The following TET2 variants were observed in gnomAD, a reference collection of about 807,000 sequenced individuals.
TET2 encodes the protein tet methylcytosine dioxygenase 2.
TET2 carries 299 observed loss-of-function variants against 142.9 expected under a neutral mutation model. The observed-to-expected ratio is 2.09, with a 90% CI of 1.90 to 2.30. TET2 has a LOEUF of 2.30. Among genes scored for constraint, TET2 ranks in the 30% most tolerant of loss-of-function variants. TET2 has a pLI of 0.00. For synonymous variants in TET2, 819 were observed against 849.0 expected (o/e 0.96, Z 0.61); for missense variants, 2,418 against 2,378.0 (o/e 1.02, Z -0.35).
At chr4:105,161,093 A>G (rs1235603882) in intron 1 of TET2, among the ~76,000 whole-genome samples, 1 of 152,190 alleles carries the variant, frequency 6.6e-6, no homozygotes, top group African/African-American at 2.4e-5. Flanking sequence ...AGAACTTTAT[A>G]TCTGGAATAA....
At chr4:105,204,912 C>T (rs1726727508) in intron 2 of TET2, among the ~76,000 whole-genome samples, 1 of 152,032 alleles carries the variant, frequency 6.6e-6, no homozygotes, top group African/African-American at 2.4e-5. Context: ...ATTAAGCCTA[C>T]TATATATATT....
chr4:105,185,023 G>A (rs1725343654), intron 1 of TET2, among the ~76,000 whole-genome samples: 2 of 152,180 alleles, frequency 1.3e-5, no homozygotes, highest in African/African-American at 4.8e-5. Context: ...TGTAACGGAA[G>A]TGTTTGATGA....
intron 6 of TET2, among the ~76,000 whole-genome samples, chr4:105,255,298 A>G (rs1310110487): frequency 2.6e-5 from 4 of 152,284 alleles, no homozygotes; most frequent in East Asian, 1.9e-4. Context: ...ATTTTTACCT[A>G]TTACCCAAAT....
At chr4:105,163,006 A>G (rs1191956314) in intron 1 of TET2, among the ~76,000 whole-genome samples, 2 of 152,214 alleles carry the variant, frequency 1.3e-5, no homozygotes, top group African/African-American at 4.8e-5. Context: ...AGCATGGATA[A>G]TTGCCTAAAA....
intron 2 of TET2, among the ~76,000 whole-genome samples, chr4:105,224,006 C>T (rs6857812): frequency 0.089 from 13,440 of 151,648 alleles, 1,733 homozygotes; most frequent in African/African-American, 0.28. Context: ...ACATGCAAAA[C>T]TTATTTTATG....
chr4:105,276,317 G>T lies in TET2; in HGVS notation c.5807G>T (p.Gly1936Val), dbSNP rs1490412153. 6.4e-7 allele frequency: 1 copy of T among 1,551,622 alleles called. No individual in the cohort carries two copies. Among genetic ancestry groups the T allele is most frequent in the Non-Finnish European group, 8.7e-7 (1 of 1,146,984 alleles). Residue 1936 changes from glycine (G) to valine (V), a missense_variant, in exon 11 of 11, where the codon GGC (glycine) becomes GTC (valine). Physicochemically the swap from Gly to Val is moderately radical, Grantham distance 109 (BLOSUM62 -3). Transcript: ENST00000380013. ...REKEEECEKY[G>V]PDYVPQKSHG... is the part of the protein sequence containing the mutation. ...AAAGAGGAAGAGTGTGAAAAGTATGGCCCAGACTATGTGCCTCAGAAATCC... is the reference window on the plus strand; with the variant it reads ...AAAGAGGAAGAGTGTGAAAAGTATGTCCCAGACTATGTGCCTCAGAAATCC...
chr4:105,209,098 T>TATATATA (rs1727009719), intron 2 of TET2, among the ~76,000 whole-genome samples: 1 of 127,484 alleles, frequency 7.8e-6, no homozygotes, highest in Admixed American at 8.0e-5. Context: ...TATATATATA[T>TATATATA]GTTTGAGCGA....
chr4:105,190,606 A>C, intron 2 of TET2, 101 bp downstream of exon 2: 1 of 638,552 alleles, frequency 1.6e-6, no homozygotes, highest in Non-Finnish European at 2.8e-6. Flanking sequence ...GTTACCCTGC[A>C]CCCTCTCAAA....
At chr4:105,192,787 CTAAGT>C (rs1170008664) in intron 2 of TET2, among the ~76,000 whole-genome samples, 1 of 151,890 alleles carries the variant, frequency 6.6e-6, no homozygotes, top group Non-Finnish European at 1.5e-5. Flanking sequence ...CCAAGAAGTG[CTAAGT>C]TTTAAAAATG....
chr4:105,183,446 A>G (rs549867942), intron 1 of TET2, among the ~76,000 whole-genome samples: 3 of 151,486 alleles, frequency 2.0e-5, no homozygotes, highest in East Asian at 3.9e-4. Flanking sequence ...TCTTTTTCCT[A>G]TATATATTTT....
rs1414450907 is a variant in TET2, at chr4:105,243,041, A to G, written c.3594+114A>G. ...AAGACTCATGCCAGTTAAAAAGAAC[A>G]TTACCTGTATTTTTTATCATGTGTT... is the stretch of plus-strand genomic sequence containing the variant. On this transcript the variant is annotated intron_variant, in intron 5 of 10. Coordinates refer to ENST00000380013, the MANE Select transcript of TET2 (RefSeq NM_001127208.3). The G allele has an allele frequency of 5.0e-6, 4 of 806,260 alleles. No homozygotes were observed. In the East Asian group the frequency reaches 1.1e-4, roughly 22 times the overall value. 49.9% of individuals were successfully genotyped at this position (806,260 alleles called of 1,614,324 possible). A position where few individuals can be genotyped will look rare whatever the true frequency, so the allele number is the denominator to read the frequency against.
intron 4 of TET2, 143 bp downstream of exon 4, chr4:105,241,572 CTA>C: frequency 7.0e-7 from 1 of 1,429,186 alleles, no homozygotes; most frequent in Non-Finnish European, 9.2e-7. Context: ...GTTGCCAACA[CTA>C]CACACTGTGC....
chr4:105,242,569 G>T, intron 4 of TET2: 1 of 1,191,916 alleles, frequency 8.4e-7, no homozygotes, highest in Non-Finnish European at 1.0e-6. Context: ...ATTTTATATC[G>T]AAATGAGCTT....
chr4:105,260,886 A>G (rs139968813), intron 7 of TET2, among the ~76,000 whole-genome samples: 2 of 152,240 alleles, frequency 1.3e-5, no homozygotes, highest in South Asian at 4.1e-4. Context: ...TTTTCTACAG[A>G]TAACTTTTTT....
At chr4:105,158,817 A>G (rs779011098) in intron 1 of TET2, among the ~76,000 whole-genome samples, 31 of 151,860 alleles carry the variant, frequency 2.0e-4, no homozygotes, top group Non-Finnish European at 3.4e-4. Flanking sequence ...TTTGGAAAAA[A>G]AAAAAGAAAG....
chr4:105,163,496 A>C (rs902365948), intron 1 of TET2, among the ~76,000 whole-genome samples: 3 of 152,186 alleles, frequency 2.0e-5, no homozygotes, highest in Non-Finnish European at 2.9e-5. Flanking sequence ...GTAACAAGCT[A>C]TGTATATTTC....
At chr4:105,203,159 A>G (rs769479590) in intron 2 of TET2, among the ~76,000 whole-genome samples, 2 of 152,224 alleles carry the variant, frequency 1.3e-5, no homozygotes, top group South Asian at 2.1e-4. Flanking sequence ...AGGGCTATCA[A>G]TTTCAAATTG....
chr4:105,209,071 A>G (rs1221152512), intron 2 of TET2, among the ~76,000 whole-genome samples: 1,248 of 97,578 alleles, frequency 0.013, 79 homozygotes, highest in African/African-American at 0.056. Flanking sequence ...ATATATATAT[A>G]TATATATATA....
At chr4:105,167,376 A>G (rs1487752617) in intron 1 of TET2, among the ~76,000 whole-genome samples, 1 of 152,038 alleles carries the variant, frequency 6.6e-6, no homozygotes, top group South Asian at 2.1e-4. Context: ...ATGTGTACAC[A>G]TATACATATG....
Sources: allele counts gnomAD v4.1 joint callset (sites outside exome capture counted in the v4.1 genomes callset), GRCh38; gene constraint gnomAD v4.1.1; transcripts MANE v1.5; gene names NCBI Gene and HGNC (gene_info 2026-07-23, HGNC 2026-07-21).